PGCKA1: variants seen among roughly 807,000 people sequenced by gnomAD.
PGCKA1 encodes PDCD10 and GCKIII kinases-associated protein 1.
chr4:37,567,973 G>T, the PGCKA1 span, among the ~76,000 whole-genome samples: 8 of 152,090 alleles, frequency 5.3e-5, no homozygotes, highest in East Asian at 1.5e-3. Flanking sequence ...CAAAAGGAGT[G>T]ACATCATCAC....
At chr4:37,563,572 A>G in the PGCKA1 span, among the ~76,000 whole-genome samples, 3 of 152,128 alleles carry the variant, frequency 2.0e-5, no homozygotes, top group Non-Finnish European at 4.4e-5. Flanking sequence ...TTACACTCAC[A>G]ATGAGTTAGG....
the PGCKA1 span, among the ~76,000 whole-genome samples, chr4:37,528,075 T>A: frequency 1.3e-5 from 2 of 152,218 alleles, no homozygotes; most frequent in East Asian, 3.8e-4. Flanking sequence ...TCTGGCTTCA[T>A]TTCAAAATTT....
the PGCKA1 span, among the ~76,000 whole-genome samples, chr4:37,570,872 TG>T: frequency 1.3e-5 from 2 of 152,180 alleles, no homozygotes; most frequent in Non-Finnish European, 2.9e-5. Flanking sequence ...TCTCCCAAGA[TG>T]GGAAGGGGGA....
At chr4:37,465,245 T>C in the PGCKA1 span, among the ~76,000 whole-genome samples, 4 of 152,074 alleles carry the variant, frequency 2.6e-5, no homozygotes, top group African/African-American at 4.8e-5. Flanking sequence ...TTTTTTTTTT[T>C]CTATCAATGT....
chr4:37,547,160 A>G, the PGCKA1 span, among the ~76,000 whole-genome samples: 1 of 151,250 alleles, frequency 6.6e-6, no homozygotes, highest in African/African-American at 2.4e-5. Context: ...AAATTCCTTG[A>G]CAAGACTGGT....
chr4:37,512,123 A>C, the PGCKA1 span, among the ~76,000 whole-genome samples: 3 of 152,202 alleles, frequency 2.0e-5, no homozygotes, highest in Non-Finnish European at 4.4e-5. Context: ...TGGTGGTGTC[A>C]GCAATTCAAG....
At chr4:37,476,591 C>T in the PGCKA1 span, among the ~76,000 whole-genome samples, 1 of 152,094 alleles carries the variant, frequency 6.6e-6, no homozygotes, top group Admixed American at 6.6e-5. Flanking sequence ...GTTCAAATCC[C>T]AGCCCTAGAA....
the PGCKA1 span, among the ~76,000 whole-genome samples, chr4:37,582,510 C>A: frequency 1.4e-4 from 22 of 152,220 alleles, no homozygotes; most frequent in African/African-American, 5.1e-4. Context: ...TGCAGTGCAT[C>A]GGCTGTCATG....
the PGCKA1 span, among the ~76,000 whole-genome samples, chr4:37,472,227 A>G: frequency 9.2e-5 from 14 of 152,196 alleles, no homozygotes; most frequent in African/African-American, 3.4e-4. Context: ...CTACATCTGC[A>G]TCAGTCCTTT....
the PGCKA1 span, among the ~76,000 whole-genome samples, chr4:37,462,593 T>C: frequency 0.51 from 77,067 of 151,978 alleles, 19,743 homozygotes; most frequent in Admixed American, 0.53. Flanking sequence ...TTTCTTATTT[T>C]ATTGAATCCA....
the PGCKA1 span, among the ~76,000 whole-genome samples, chr4:37,501,673 C>A: frequency 6.6e-6 from 1 of 152,182 alleles, no homozygotes; most frequent in Non-Finnish European, 1.5e-5. Context: ...ATTCCCTCAG[C>A]ATTGCTTGTC....
At chr4:37,587,435 A>T in the PGCKA1 span, among the ~76,000 whole-genome samples, 1 of 152,124 alleles carries the variant, frequency 6.6e-6, no homozygotes, top group Non-Finnish European at 1.5e-5. Context: ...TTTTAATGTA[A>T]ATCTAGTCCC....
chr4:37,561,588 G>A, the PGCKA1 span, among the ~76,000 whole-genome samples: 1 of 152,180 alleles, frequency 6.6e-6, no homozygotes, highest in East Asian at 1.9e-4. Flanking sequence ...CCAGAAAGCT[G>A]TGTATGAGAT....
chr4:37,592,786 T>C, the PGCKA1 span, among the ~76,000 whole-genome samples: 2 of 152,224 alleles, frequency 1.3e-5, no homozygotes, highest in Non-Finnish European at 2.9e-5. Flanking sequence ...TGAGATGATG[T>C]AAGTGTTTAG....
At chr4:37,547,076 T>G in the PGCKA1 span, among the ~76,000 whole-genome samples, 2 of 152,146 alleles carry the variant, frequency 1.3e-5, no homozygotes, top group African/African-American at 2.4e-5. Flanking sequence ...GCCCACTCCA[T>G]TTGAGTGGTA....
the PGCKA1 span, among the ~76,000 whole-genome samples, chr4:37,545,311 A>T: frequency 1.3e-5 from 2 of 152,156 alleles, no homozygotes; most frequent in Non-Finnish European, 2.9e-5. Context: ...TTTGGTATGA[A>T]ACCCCTGCCC....
At chr4:37,560,056 C>G in the PGCKA1 span, among the ~76,000 whole-genome samples, 2 of 152,166 alleles carry the variant, frequency 1.3e-5, no homozygotes, top group African/African-American at 4.8e-5. Context: ...TACCATAGGC[C>G]CAAAGCCTTT....
the PGCKA1 span, among the ~76,000 whole-genome samples, chr4:37,470,477 A>C: frequency 1.3e-5 from 2 of 152,328 alleles, no homozygotes; most frequent in East Asian, 1.9e-4. Flanking sequence ...ACTAATCTTC[A>C]TGCATGTGTT....
At chr4:37,495,845 TA>T in the PGCKA1 span, among the ~76,000 whole-genome samples, 39 of 151,968 alleles carry the variant, frequency 2.6e-4, no homozygotes, top group Non-Finnish European at 4.3e-4. Flanking sequence ...TCCCAGAACT[TA>T]AAGTATAATT....
Sources: gnomAD v4.1 joint callset for allele counts (sites outside exome capture counted in the v4.1 genomes callset) on GRCh38, gnomAD v4.1.1 for gene constraint, MANE v1.5 for transcripts, NCBI Gene and HGNC (gene_info 2026-07-23, HGNC 2026-07-21) for gene names.